Variants in LRRC53 observed in about 807,000 individuals in gnomAD.
The protein encoded by LRRC53 is leucine rich repeat containing 53.
LRRC53 carries 25 observed loss-of-function variants against 13.6 expected under a neutral mutation model. The observed-to-expected ratio is 1.83, with a 90% confidence interval of 1.34 to 2.56. The LOEUF (loss-of-function observed/expected upper bound fraction) is 2.56, where lower values mean the gene tolerates loss of function less well. Among genes scored for constraint, LRRC53 ranks in the 30% most tolerant of loss-of-function variants. The pLI, the probability that LRRC53 is intolerant of heterozygous loss-of-function variation, is 0.00. For synonymous variants in LRRC53, 204 were observed against 109.8 expected (o/e 1.86, Z -5.37); for missense variants, 527 against 275.8 (o/e 1.91, Z -6.45).
At chr1:74,533,304 T>C in the LRRC53 span, among the ~76,000 whole-genome samples, 1 of 152,024 alleles carries the variant, frequency 6.6e-6, no homozygotes, top group Non-Finnish European at 1.5e-5. Context: ...AAAAAACACA[T>C]GAAAAAATGC....
chr1:74,535,720 T>C, the LRRC53 span, among the ~76,000 whole-genome samples: 1 of 152,194 alleles, frequency 6.6e-6, no homozygotes, highest in Non-Finnish European at 1.5e-5. Context: ...ATTGTTGATG[T>C]CTAAGGTTCA....
the LRRC53 span, among the ~76,000 whole-genome samples, chr1:74,530,062 T>C: frequency 6.6e-6 from 1 of 152,160 alleles, no homozygotes; most frequent in Non-Finnish European, 1.5e-5. Context: ...CCTCCTGGCC[T>C]CAAGAGATCC....
At chr1:74,534,450 C>A in the LRRC53 span, among the ~76,000 whole-genome samples, 2 of 152,104 alleles carry the variant, frequency 1.3e-5, no homozygotes, top group East Asian at 1.9e-4. Flanking sequence ...AACCATGATT[C>A]ATTGCTCCAA....
chr1:74,522,220 A>T, the LRRC53 span, among the ~76,000 whole-genome samples: 6,245 of 152,214 alleles, frequency 0.041, 405 homozygotes, highest in African/African-American at 0.14. Context: ...AAGGTTATAG[A>T]CTCAGGGGCT....
At chr1:74,502,287 T>A (rs72977502) in intron 1 of LRRC53, among the ~76,000 whole-genome samples, 1 of 152,178 alleles carries the variant, frequency 6.6e-6, no homozygotes, top group African/African-American at 2.4e-5. Context: ...GCCCGGTACA[T>A]GGTAGGTGCC....
chr1:74,492,038 T>C, intron 1 of LRRC53: 1 of 1,381,150 alleles, frequency 7.2e-7, no homozygotes, highest in African/African-American at 1.4e-5. Context: ...ATATTTTATG[T>C]TATGTCTTCA....
chr1:74,507,228 C>G (rs577823875), intron 1 of LRRC53, among the ~76,000 whole-genome samples: 24 of 138,770 alleles, frequency 1.7e-4, no homozygotes, highest in Admixed American at 6.6e-4. Flanking sequence ...TCTTCACCCC[C>G]CCCCCATCTT....
chr1:74,511,630 T>A lies in LRRC53; in HGVS notation c.-27+896A>T, dbSNP rs769074805. Among the ~76,000 whole-genome samples the A allele has an allele frequency of 5.3e-4, 80 of 152,180 alleles. 1 individual carries two copies. Among genetic ancestry groups the A allele is most frequent in the Admixed American group, 1.6e-3 (25 of 15,276 alleles). On this transcript the variant is annotated intron_variant, in intron 1 of 4. Coordinates refer to ENST00000294635, the MANE Select transcript of LRRC53 (RefSeq NM_001382280.1). ...GTAGTAAATATTGGACACCCAATGATGGATTAGAGATCTCTTCAGTCCTGG... is the reference window on the plus strand; with the variant it reads ...GTAGTAAATATTGGACACCCAATGAAGGATTAGAGATCTCTTCAGTCCTGG...
intron 1 of LRRC53, among the ~76,000 whole-genome samples, chr1:74,507,427 C>T (rs1022473979): frequency 3.9e-5 from 6 of 152,088 alleles, no homozygotes; most frequent in Non-Finnish European, 8.8e-5. Context: ...TGTCAATTGC[C>T]ATACACACAC....
chr1:74,469,745 A>G lies in LRRC53; in HGVS notation c.*133T>C. On this transcript the variant is annotated 3_prime_UTR_variant, in exon 5 of 5. Coordinates refer to ENST00000294635, the MANE Select transcript of LRRC53 (RefSeq NM_001382280.1). ...CAACTCTGGTTTTATTTTATTGATA[A>G]CAAAGAGTTACTGAGGACGTTGTTG... 1 of 396,022 alleles carries G rather than the reference A, an allele frequency of 2.5e-6. No individual in the cohort carries two copies. The highest frequency in any genetic ancestry group is 4.5e-6 in the Non-Finnish European group (1 of 224,580). 24.5% of individuals were successfully genotyped at this position (396,022 alleles called of 1,614,324 possible). A position where few individuals can be genotyped will look rare whatever the true frequency, so the allele number is the denominator to read the frequency against.
chr1:74,480,230 A>C lies in LRRC53; in HGVS notation c.827T>G (p.Phe276Cys). The C allele has an allele frequency of 1.4e-6, 1 of 717,526 alleles. No homozygotes were observed. The highest frequency in any genetic ancestry group is 1.5e-5 in the South Asian group (1 of 67,600). The allele number at this position is 717,526 out of a possible 1,614,324, so 44.4% of individuals were successfully genotyped here. A position where few individuals can be genotyped will look rare whatever the true frequency, so the allele number is the denominator to read the frequency against. The change falls in exon 3 of 5, where the codon TTC (phenylalanine) becomes TGC (cysteine). Residue 276 changes from phenylalanine to cysteine, a missense_variant. Physicochemically the swap from Phe to Cys is radical, Grantham distance 205. Transcript: ENST00000294635. ...ACTTCTGTCCTTTAGAACCAGAGTG[A>C]AGTTGGGAGCTTTGGAATCACAGTT... Reference protein sequence around the residue: ...ETNCDSKAPNFTLVLKDRSPL... With the variant: ...ETNCDSKAPNCTLVLKDRSPL...
chr1:74,501,483 TG>T (rs1471378015), intron 1 of LRRC53, among the ~76,000 whole-genome samples: 4 of 124,426 alleles, frequency 3.2e-5, no homozygotes, highest in African/African-American at 2.1e-4. Context: ...TGTGTTTGTT[TG>T]TTTGTTTGTT....
rs878892430 is a variant in LRRC53, at chr1:74,480,663, C to A, written c.394G>T (p.Gly132Cys). ...LRGSWFRNTS[G>C]LTRLQLDGNQ... ...CCATCCAGCTGGAGCCGGGTCAGGC[C>A]GCTTGTGTTTCGGAACCAAGACCCT... Residue 132 changes from glycine to cysteine, a missense_variant, in exon 3 of 5, where the codon GGC (glycine) becomes TGC (cysteine). Coordinates refer to ENST00000294635, the MANE Select transcript of LRRC53 (RefSeq NM_001382280.1). The A allele has an allele frequency of 2.8e-6, 2 of 717,142 alleles. No individual in the cohort carries two copies. Among genetic ancestry groups the A allele is most frequent in the Non-Finnish European group, 2.6e-6 (1 of 385,092 alleles). The allele number at this position is 717,142 out of a possible 1,614,324, so 44.4% of individuals were successfully genotyped here.
chr1:74,492,240 A>G (rs567808816), intron 1 of LRRC53: 1 of 1,611,220 alleles, frequency 6.2e-7, no homozygotes. Context: ...CTCTAAATGC[A>G]AGGTCCTATG....
intron 4 of LRRC53, among the ~76,000 whole-genome samples, chr1:74,473,834 A>G (rs1445974512): frequency 1.3e-5 from 2 of 152,268 alleles, no homozygotes; most frequent in African/African-American, 4.8e-5. Context: ...AGTCTCAGAG[A>G]GTTCTGTGAC....
chr1:74,501,404 G>A (rs188776583), intron 1 of LRRC53, among the ~76,000 whole-genome samples: 1 of 152,166 alleles, frequency 6.6e-6, no homozygotes, highest in Admixed American at 6.5e-5. Context: ...TTCTTCAAAC[G>A]AATTTTATCT....
chr1:74,480,642 C>G lies in LRRC53; in HGVS notation c.415G>C (p.Asp139His), dbSNP rs1173167780. Reference sequence around the variant, plus strand: ...GTGAGATTAGTAATCTGATTCCCATCCAGCTGGAGCCGGGTCAGGCCGCTT... The same window carrying G: ...GTGAGATTAGTAATCTGATTCCCATGCAGCTGGAGCCGGGTCAGGCCGCTT... ...NTSGLTRLQL[D>H]GNQITNLTDS... Residue 139 changes from aspartate to histidine, a missense_variant, in exon 3 of 5, where the codon GAT becomes CAT. Physicochemically the swap from Asp to His is moderately conservative, Grantham distance 81. Transcript: ENST00000294635. The G allele has an allele frequency of 4.2e-6, 3 of 717,270 alleles. No homozygotes were observed. In the Admixed American group the frequency reaches 6.0e-5, roughly 14 times the overall value. 44.4% of individuals were successfully genotyped at this position (717,270 alleles called of 1,614,324 possible). A position where few individuals can be genotyped will look rare whatever the true frequency, so the allele number is the denominator to read the frequency against.
chr1:74,519,273 A>G, the LRRC53 span, among the ~76,000 whole-genome samples: 1 of 85,688 alleles, frequency 1.2e-5, no homozygotes, highest in South Asian at 4.4e-4. Context: ...TTCTTAATCC[A>G]GTCTATCATT....
chr1:74,519,262 T>C, the LRRC53 span, among the ~76,000 whole-genome samples: 4 of 87,024 alleles, frequency 4.6e-5, no homozygotes, highest in Non-Finnish European at 8.5e-5. Flanking sequence ...TGTGCCACAT[T>C]TTCTTAATCC....
Sources: gnomAD v4.1 joint callset for allele counts (sites outside exome capture counted in the v4.1 genomes callset) on GRCh38, gnomAD v4.1.1 for gene constraint, MANE v1.5 for transcripts, NCBI Gene and HGNC (gene_info 2026-07-23, HGNC 2026-07-21) for gene names.